Variants in RANBP2 observed in about 807,000 individuals in gnomAD.
RANBP2 encodes E3 SUMO-protein ligase RanBP2.
A neutral mutation model predicts 303.6 loss-of-function variants in RANBP2; 57 were observed. That is an observed-to-expected ratio of 0.19 (90% confidence interval 0.15 to 0.23). RANBP2 has a LOEUF of 0.23. Among genes scored for constraint, RANBP2 ranks in the 10% least tolerant of loss-of-function variants. The probability of loss-of-function intolerance (pLI) is 1.00; values close to 1 mark genes in which losing one functional copy is unlikely to be tolerated. For synonymous variants in RANBP2, 1,167 were observed against 1,301.5 expected (o/e 0.90, Z 2.23); for missense variants, 3,138 against 3,780.8 (o/e 0.83, Z 4.46).
At chr2:109,604,644 A>G in the RANBP2 span, among the ~76,000 whole-genome samples, 90 of 150,700 alleles carry the variant, frequency 6.0e-4, no homozygotes, top group Non-Finnish European at 1.1e-3. Flanking sequence ...GGAGAATGGC[A>G]TGAACCGGGG....
At chr2:109,590,392 T>C in the RANBP2 span, among the ~76,000 whole-genome samples, 110 of 152,028 alleles carry the variant, frequency 7.2e-4, no homozygotes, top group African/African-American at 2.3e-3. Context: ...AGGGAGACTA[T>C]CCTGGTTGGG....
At chr2:109,577,912 C>CAAAAAAAA in the RANBP2 span, among the ~76,000 whole-genome samples, 1 of 92,344 alleles carries the variant, frequency 1.1e-5, no homozygotes, top group African/African-American at 4.1e-5. Context: ...GACTTTGTCT[C>CAAAAAAAA]AAAAAAAAAA....
Position 108,766,896 on chromosome 2 carries a change from A to G in RANBP2, c.6357A>G (p.Leu2119=), listed in dbSNP as rs1677157944. The change falls in exon 20 of 29, where the codon CTA becomes CTG. Residue 2119 remains leucine (L), a synonymous_variant. Transcript: ENST00000283195. ...ATTTCTCTGATGGTGATGCCAAACT[A>G]GAGCAGTTGGCAGCAAAATTTAAAA... ...ASDFSDGDAK[L]EQLAAKFKTP... is the part of the protein sequence containing the mutation. 1 of 1,611,122 alleles carries G rather than the reference A, an allele frequency of 6.2e-7. No homozygotes were observed. Among genetic ancestry groups the G allele is most frequent in the Non-Finnish European group, 8.5e-7 (1 of 1,179,862 alleles).
At chr2:109,218,362 A>T in the RANBP2 span, among the ~76,000 whole-genome samples, 2 of 152,308 alleles carry the variant, frequency 1.3e-5, no homozygotes, top group African/African-American at 2.4e-5. Context: ...TCAATTCAAA[A>T]TATGGGCTTC....
the RANBP2 span, among the ~76,000 whole-genome samples, chr2:109,581,556 T>C: frequency 1.3e-5 from 2 of 151,162 alleles, no homozygotes; most frequent in Non-Finnish European, 1.5e-5. Flanking sequence ...TTCAGAGCAG[T>C]GGCTCCTCTG....
chr2:108,924,967 G>C, the RANBP2 span, among the ~76,000 whole-genome samples: 1 of 152,194 alleles, frequency 6.6e-6, no homozygotes, highest in Non-Finnish European at 1.5e-5. Flanking sequence ...AACATCTCAG[G>C]CTCCTAGGTG....
At position 108,765,012 on chromosome 2, in the gene RANBP2, A is replaced by C; in HGVS notation, c.4473A>C (p.Gln1491His). Residue 1491 changes from glutamine to histidine, a missense_variant, in exon 20 of 29, where the codon CAA becomes CAC. By Grantham distance (24) the Gln-to-His change is conservative. Around this residue, in one of 20 missense-constraint regions of RANBP2, gnomAD observed 388 missense variants for 328.5 expected, o/e 1.18. Transcript: ENST00000283195. ...GQWDCSACLV[Q>H]NEGSSTKCAA... ...GGGATTGCAGTGCATGTTTGGTACA[A>C]AATGAGGGGAGCTCTACAAAATGTG... 6.2e-7 allele frequency: 1 copy of C among 1,614,052 alleles called. No homozygotes were observed. The highest frequency in any genetic ancestry group is 1.1e-5 in the South Asian group (1 of 91,080).
chr2:109,386,941 C>A, the RANBP2 span, among the ~76,000 whole-genome samples: 22 of 152,146 alleles, frequency 1.4e-4, no homozygotes, highest in Non-Finnish European at 1.8e-4. Flanking sequence ...AGACTCCAGC[C>A]TAATCTGCTT....
chr2:109,345,369 C>T, the RANBP2 span, among the ~76,000 whole-genome samples: 22,071 of 152,088 alleles, frequency 0.15, 2,077 homozygotes, highest in East Asian at 0.38. Flanking sequence ...ACGAGCCGGC[C>T]GCAGAAGGGA....
chr2:109,501,617 G>C, the RANBP2 span: 1 of 778,720 alleles, frequency 1.3e-6, no homozygotes. Flanking sequence ...AGGGGACCCT[G>C]CAGCGGAACG....
Position 108,766,782 on chromosome 2 carries a change from A to G in RANBP2, c.6243A>G (p.Leu2081=), listed in dbSNP as rs774782423. 3.1e-6 allele frequency: 5 copies of G among 1,612,040 alleles called. No individual in the cohort carries two copies. Among genetic ancestry groups the G allele is most frequent in the East Asian group, 2.2e-5 (1 of 44,874 alleles). ...LRMLMRREQV[L]KVCANHWITT... ...TGCTGATGCGAAGAGAACAAGTACT[A>G]AAAGTGTGTGCTAATCATTGGATAA... is the stretch of plus-strand genomic sequence containing the variant. The change falls in exon 20 of 29, where the codon CTA becomes CTG. Residue 2081 remains leucine, a synonymous_variant. Coordinates refer to ENST00000283195, the MANE Select transcript of RANBP2 (RefSeq NM_006267.5).
chr2:108,838,561 T>TA, the RANBP2 span, among the ~76,000 whole-genome samples: 3 of 152,188 alleles, frequency 2.0e-5, no homozygotes, highest in Non-Finnish European at 2.9e-5. Context: ...AGCCTTAGAA[T>TA]ATGTCTTTAT....
the RANBP2 span, among the ~76,000 whole-genome samples, chr2:109,234,914 G>A: frequency 6.6e-6 from 1 of 152,218 alleles, no homozygotes; most frequent in Admixed American, 6.5e-5. Context: ...TCCATTTTGT[G>A]TTTCTGTGTA....
chr2:109,621,866 T>G, the RANBP2 span, among the ~76,000 whole-genome samples: 536 of 151,894 alleles, frequency 3.5e-3, 6 homozygotes, highest in African/African-American at 0.013. Flanking sequence ...TGAGCTGAGA[T>G]TGCACCACTG....
the RANBP2 span, among the ~76,000 whole-genome samples, chr2:109,682,769 T>A: frequency 3.9e-5 from 6 of 152,010 alleles, no homozygotes; most frequent in Non-Finnish European, 8.8e-5. Context: ...GCAGCTCCCA[T>A]CTCTATTATT....
the RANBP2 span, among the ~76,000 whole-genome samples, chr2:109,603,361 A>G: frequency 6.6e-6 from 1 of 151,530 alleles, no homozygotes; most frequent in African/African-American, 2.4e-5. Context: ...CAGCCTCCCC[A>G]GCAGCTGGGA....
chr2:108,930,932 T>C, the RANBP2 span: 1 of 1,612,280 alleles, frequency 6.2e-7, no homozygotes, highest in East Asian at 2.2e-5. Flanking sequence ...AGGATGAGGG[T>C]GCTGTGGGGG....
chr2:109,442,612 A>G, the RANBP2 span, among the ~76,000 whole-genome samples: 4 of 152,206 alleles, frequency 2.6e-5, no homozygotes, highest in Admixed American at 6.5e-5. Context: ...AGTTTGGTAT[A>G]CTACTGTAAC....
the RANBP2 span, among the ~76,000 whole-genome samples, chr2:109,342,328 A>AG: frequency 2.5e-4 from 38 of 152,306 alleles, no homozygotes; most frequent in African/African-American, 9.1e-4. Context: ...CCCCAGTCCC[A>AG]GGGGACTGGT....
Sources: allele counts gnomAD v4.1 joint callset (sites outside exome capture counted in the v4.1 genomes callset), GRCh38; gene constraint gnomAD v4.1.1; regional missense constraint gnomAD v4.1.1; transcripts MANE v1.5; gene names NCBI Gene and HGNC (gene_info 2026-07-23, HGNC 2026-07-21).